XPNPEP2: variants seen among roughly 807,000 people sequenced by gnomAD.
The protein encoded by XPNPEP2 is X-prolyl aminopeptidase 2, also known as xaa-Pro aminopeptidase 2.
Under a neutral mutation model 59.8 loss-of-function variants are expected in XPNPEP2, and 64 were observed. The observed-to-expected ratio is 1.07, with a 90% CI of 0.87 to 1.32. The LOEUF (loss-of-function observed/expected upper bound fraction) is 1.32. XPNPEP2 is among the 40% of genes most tolerant of loss of function. XPNPEP2 has a pLI of 0.00. For missense variants in XPNPEP2, 575 were observed against 546.8 expected (o/e 1.05, Z -0.51); for synonymous variants, 235 against 210.0 (o/e 1.12, Z -1.03).
rs1926123728 is a variant in XPNPEP2, at chrX:129,739,094, G to A, written c.-120G>A. 13 of 740,603 alleles carry A rather than the reference G, an allele frequency of 1.8e-5. No homozygotes were observed. The highest frequency in any genetic ancestry group is 2.5e-5 in the South Asian group (1 of 39,642). The allele number at this position is 740,603 out of a possible 1,213,427, so 61.0% of individuals were successfully genotyped here. A position where few individuals can be genotyped will look rare whatever the true frequency, so the allele number is the denominator to read the frequency against. ...AGCAGCCAGACGCCTCCTTCTTGAC[G>A]CCAGCCCCCACCCTCTGTCTGCTCG... On this transcript the variant is annotated 5_prime_UTR_variant, in exon 1 of 21. Transcript: ENST00000371106.
chrX:129,742,088 A>AT lies in XPNPEP2; in HGVS notation c.50-15dup. ...CTAGCTGGTCCCCAAATGACCCTGG[A>AT]TTTTTCTCCCGGCTTCTAGCTTGTG... On this transcript the variant is annotated intron_variant, in intron 1 of 20. Transcript: ENST00000371106. 1 of 1,204,994 alleles carries AT rather than the reference A, an allele frequency of 8.3e-7. No individual in the cohort carries two copies. The highest frequency in any genetic ancestry group is 1.1e-6 in the Non-Finnish European group (1 of 890,715).
chrX:129,748,821 G>A (rs773323937), intron 7 of XPNPEP2, among the ~76,000 whole-genome samples: 3 of 111,334 alleles, frequency 2.7e-5, no homozygotes, highest in Non-Finnish European at 5.7e-5. Context: ...GGCTGGAAGG[G>A]TTTTGTCACT....
intron 1 of XPNPEP2, among the ~76,000 whole-genome samples, chrX:129,741,316 C>T (rs768275918): frequency 1.3e-4 from 14 of 111,946 alleles, no homozygotes; most frequent in Middle Eastern, 4.6e-3. Context: ...ACTGAAAGTG[C>T]GCTCACCTCT....
intron 8 of XPNPEP2, among the ~76,000 whole-genome samples, chrX:129,750,949 G>A (rs1283801822): frequency 1.8e-5 from 2 of 111,176 alleles, no homozygotes; most frequent in African/African-American, 6.5e-5. Flanking sequence ...TACTCTTTCC[G>A]ACATGGCTCA....
At chrX:129,757,705 G>C (rs981813692) in intron 14 of XPNPEP2, among the ~76,000 whole-genome samples, 1 of 105,444 alleles carries the variant, frequency 9.5e-6, no homozygotes, top group Admixed American at 1.1e-4. Flanking sequence ...TGAGGCAGGA[G>C]AATCGCTTGA....
chrX:129,756,652 T>G, intron 14 of XPNPEP2, 97 bp downstream of exon 14: 1 of 905,841 alleles, frequency 1.1e-6, no homozygotes, highest in South Asian at 2.1e-5. Context: ...GGGCCACGGA[T>G]TCTTCGTCTG....
intron 18 of XPNPEP2, 69 bp from the exon 19 acceptor site, chrX:129,762,625 G>T (rs190786102): frequency 4.0e-6 from 4 of 1,004,510 alleles, no homozygotes; most frequent in Non-Finnish European, 5.6e-6. Context: ...CCACTCATCA[G>T]TAGGTACAGG....
rs1490853555 is a variant in XPNPEP2 at position 129,742,575 on chromosome X, C to T, written c.123+394C>T. 2.7e-5 allele frequency among the ~76,000 whole-genome samples: 3 copies of T among 110,494 alleles called. No homozygotes were observed. The East Asian group carries it at 8.6e-4, about 32-fold the overall frequency. ...TAGAGTGACAGCAAAAAGAGAAGCA[C>T]AGAAGGGAAGAGGGAGGAAGACAGA... On this transcript the variant is annotated intron_variant, in intron 2 of 20. Coordinates refer to ENST00000371106, the MANE Select transcript of XPNPEP2 (RefSeq NM_003399.6).
At chrX:129,747,513 G>A (rs1350366520) in intron 6 of XPNPEP2, 94 bp from the exon 7 acceptor site, 17 of 1,145,741 alleles carry the variant, frequency 1.5e-5, no homozygotes, top group Non-Finnish European at 1.9e-5. Context: ...TGCAAAGGGA[G>A]GCAAAGGGAA....
At chrX:129,755,241 C>CAG in intron 12 of XPNPEP2, 53 bp from the exon 13 acceptor site, 4 of 1,131,010 alleles carry the variant, frequency 3.5e-6, no homozygotes, top group Non-Finnish European at 4.8e-6. Flanking sequence ...ATCCCGGGCC[C>CAG]AGCCTAGTCC....
At chrX:129,758,803 A>C (rs1926603758) in intron 14 of XPNPEP2, among the ~76,000 whole-genome samples, 1 of 111,735 alleles carries the variant, frequency 8.9e-6, no homozygotes. Context: ...TCTGGACCTC[A>C]GTTTCCCCAG....
chrX:129,757,662 C>T (rs578022330), intron 14 of XPNPEP2, among the ~76,000 whole-genome samples: 1 of 106,327 alleles, frequency 9.4e-6, no homozygotes, highest in Non-Finnish European at 1.9e-5. Context: ...AAAAATTTTC[C>T]GGGTGTGGTG....
At chrX:129,757,764 C>T (rs1379868060) in intron 14 of XPNPEP2, among the ~76,000 whole-genome samples, 1 of 94,798 alleles carries the variant, frequency 1.1e-5, no homozygotes, top group Non-Finnish European at 2.1e-5. Context: ...CACTGCACTC[C>T]AGTCTGAGCA....
chrX:129,768,198 C>T, intron 20 of XPNPEP2, 93 bp from the exon 21 acceptor site: 2 of 912,288 alleles, frequency 2.2e-6, no homozygotes, highest in Non-Finnish European at 3.0e-6. Flanking sequence ...ATGGTGACAG[C>T]TGGAGTACCA....
At position 129,761,180 on chromosome X, in the gene XPNPEP2, G is replaced by T; in HGVS notation, c.1507G>T (p.Val503Leu). The change falls in exon 17 of 21, where the codon GTG (valine) becomes TTG (leucine). Residue 503 changes from valine (V) to leucine (L), a missense_variant. By Grantham distance (32) the Val-to-Leu change is conservative. Transcript: ENST00000371106. Reference sequence around the variant, plus strand: ...TCTCTCTTCCCTTCCAGGGCGAATGGTGGAGGCCTTTGCCCGCAGAGCCTT... The same window carrying T: ...TCTCTCTTCCCTTCCAGGGCGAATGTTGGAGGCCTTTGCCCGCAGAGCCTT... ...IFPAATSGRM[V>L]EAFARRALWD... 1 of 1,211,722 alleles carries T rather than the reference G, an allele frequency of 8.3e-7. No homozygotes were observed. The highest frequency in any genetic ancestry group is 1.1e-6 in the Non-Finnish European group (1 of 895,226).
chrX:129,747,920 C>A, intron 7 of XPNPEP2, 167 bp downstream of exon 7: 1 of 694,694 alleles, frequency 1.4e-6, no homozygotes, highest in Non-Finnish European at 2.2e-6. Context: ...GATTTCAGGG[C>A]CCCCTCCCCT....
At position 129,744,666 on chromosome X, in the gene XPNPEP2, G is replaced by A. The variant is rs1338755296; in HGVS notation, c.235-537G>A. ...CCACATGCTGGGAAGGGCTAAGAACGTTGGGTAAGTATCTGAACTTCCCTG... is the reference window on the plus strand; with the variant it reads ...CCACATGCTGGGAAGGGCTAAGAACATTGGGTAAGTATCTGAACTTCCCTG... On this transcript the variant is annotated intron_variant, in intron 3 of 20. Transcript: ENST00000371106. Among the ~76,000 whole-genome samples the A allele has an allele frequency of 2.7e-5, 3 of 112,291 alleles. 1 individual carries two copies. Among genetic ancestry groups the A allele is most frequent in the South Asian group, 7.3e-4 (2 of 2,731 alleles).
intron 7 of XPNPEP2, among the ~76,000 whole-genome samples, chrX:129,749,963 G>A (rs183860162): frequency 1.8e-5 from 2 of 112,704 alleles, no homozygotes; most frequent in Non-Finnish European, 1.9e-5. Context: ...CCCAGTACCC[G>A]TGGCTTAGTA....
At position 129,762,708 on chromosome X, in the gene XPNPEP2, A is replaced by C. The variant is rs773834534; in HGVS notation, c.1678A>C (p.Lys560Gln). ...MFTSIEPGYYKDGEFGIRLED... is the reference protein window; with the variant it reads ...MFTSIEPGYYQDGEFGIRLED... ...GTGTCTCCCAGAACCTGGTTACTAT[A>C]AGGATGGAGAATTTGGGATCCGTCT... The change falls in exon 19 of 21, where the codon AAG becomes CAG. Residue 560 changes from lysine to glutamine, a missense_variant. Transcript: ENST00000371106. 8.3e-7 allele frequency: 1 copy of C among 1,211,363 alleles called. No individual in the cohort carries two copies. The highest frequency in any genetic ancestry group is 1.8e-5 in the South Asian group (1 of 57,010).
Sources: allele counts gnomAD v4.1 joint callset (sites outside exome capture counted in the v4.1 genomes callset), GRCh38; gene constraint gnomAD v4.1.1; transcripts MANE v1.5; gene names NCBI Gene and HGNC (gene_info 2026-07-23, HGNC 2026-07-21).